The following CENPF variants were observed in gnomAD, a reference collection of about 807,000 sequenced individuals.
CENPF encodes the protein AH antigen.
A neutral mutation model predicts 307.3 loss-of-function variants in CENPF; 214 were observed. The observed-to-expected ratio is 0.70, with a 90% CI of 0.62 to 0.78. The LOEUF is 0.78. CENPF is among the 30% of genes least tolerant of loss of function. The pLI, the probability that CENPF is intolerant of heterozygous loss-of-function variation, is 0.00. For synonymous variants in CENPF, 1,259 were observed against 1,270.6 expected (o/e 0.99, Z 0.19); for missense variants, 3,401 against 3,483.9 (o/e 0.98, Z 0.60).
chr1:214,641,105 G>C lies in CENPF; in HGVS notation c.2767G>C (p.Glu923Gln), dbSNP rs1483081471. Residue 923 changes from glutamate to glutamine, a missense_variant, in exon 12 of 20, where the codon GAG becomes CAG. Physicochemically the swap from Glu to Gln is conservative, Grantham distance 29 (BLOSUM62 2). Coordinates refer to ENST00000366955, the MANE Select transcript of CENPF (RefSeq NM_016343.4). ...ACTTTTAAATGATAAGGTAGAAACTGAGCAGGCAGAGATTCAAGAATTAAA... is the reference window on the plus strand; with the variant it reads ...ACTTTTAAATGATAAGGTAGAAACTCAGCAGGCAGAGATTCAAGAATTAAA... ...LQLLNDKVETEQAEIQELKKS... is the reference protein window; with the variant it reads ...LQLLNDKVETQQAEIQELKKS... 6.3e-7 allele frequency: 1 copy of C among 1,578,498 alleles called. No homozygotes were observed. Among genetic ancestry groups the C allele is most frequent in the East Asian group, 2.2e-5 (1 of 44,768 alleles).
At position 214,646,762 on chromosome 1, in the gene CENPF, A is replaced by G. The variant is rs1242788150; in HGVS notation, c.7192A>G (p.Thr2398Ala). 6 of 1,613,466 alleles carry G rather than the reference A, an allele frequency of 3.7e-6. No homozygotes were observed. The South Asian group carries it at 6.6e-5, about 18-fold the overall frequency. ...VTIRSEKENLTNELQKEQERI... is the reference protein window; with the variant it reads ...VTIRSEKENLANELQKEQERI... ...TATAAGGTCAGAAAAAGAAAATCTG[A>G]CAAATGAATTACAAAAAGAGCAAGA... The change falls in exon 13 of 20, where the codon ACA (threonine) becomes GCA (alanine). Residue 2398 changes from threonine (T) to alanine (A), a missense_variant. Physicochemically the swap from Thr to Ala is moderately conservative, Grantham distance 58. Coordinates refer to ENST00000366955, the MANE Select transcript of CENPF (RefSeq NM_016343.4).
At position 214,632,709 on chromosome 1, in the gene CENPF, T is replaced by C. The variant is rs955348314; in HGVS notation, c.1446+107T>C. 7 of 1,299,336 alleles carry C rather than the reference T, an allele frequency of 5.4e-6. No homozygotes were observed. The Admixed American group carries it at 1.3e-4, about 25-fold the overall frequency. The allele number at this position is 1,299,336 out of a possible 1,614,324, so 80.5% of individuals were successfully genotyped here. ...CAGTTGCTTGTCATGACTGTGTGCC[T>C]TTTTCTTTTCTATTCACCAGAAGTA... is the stretch of plus-strand genomic sequence containing the variant. On this transcript the variant is annotated intron_variant, in intron 10 of 19. Coordinates refer to ENST00000366955, the MANE Select transcript of CENPF (RefSeq NM_016343.4).
chr1:214,608,648 G>T (rs1424307513), intron 1 of CENPF: 2 of 1,602,312 alleles, frequency 1.2e-6, no homozygotes, highest in Non-Finnish European at 1.7e-6. Flanking sequence ...AGCTTCCAGC[G>T]CCCGGGTGCG....
At chr1:214,608,373 C>G in intron 1 of CENPF, 7 of 1,612,898 alleles carry the variant, frequency 4.3e-6, no homozygotes, top group Non-Finnish European at 5.9e-6. Context: ...TCTCGGAAGG[C>G]CTACCCGAGC....
intron 17 of CENPF, 127 bp from the exon 18 acceptor site, chr1:214,656,806 T>C: frequency 1.6e-6 from 1 of 642,510 alleles, no homozygotes. Context: ...TATACAGATA[T>C]ATCTCCCCAA....
chr1:214,658,200 C>T (rs1402750966), intron 18 of CENPF, among the ~76,000 whole-genome samples: 1 of 152,056 alleles, frequency 6.6e-6, no homozygotes, highest in Non-Finnish European at 1.5e-5. Context: ...AAAACAAAAA[C>T]AAATGCTGCT....
intron 1 of CENPF, chr1:214,605,779 C>T (rs1657009108): frequency 3.1e-6 from 5 of 1,592,008 alleles, no homozygotes; most frequent in Middle Eastern, 4.5e-4. Context: ...CCACCCACAG[C>T]GGCTCCACCG....
At chr1:214,630,235 CT>C (rs1657768703) in intron 8 of CENPF, among the ~76,000 whole-genome samples, 1 of 152,164 alleles carries the variant, frequency 6.6e-6, no homozygotes, top group South Asian at 2.1e-4. Context: ...TCTCTTGCCC[CT>C]GATCCTTCAA....
At chr1:214,639,224 G>A (rs1196452748) in intron 11 of CENPF, among the ~76,000 whole-genome samples, 1 of 152,162 alleles carries the variant, frequency 6.6e-6, no homozygotes, top group Admixed American at 6.5e-5. Flanking sequence ...CCAACCAGGA[G>A]GGGCCAGTAT....
At chr1:214,663,505 T>C in intron 19 of CENPF, 86 bp from the exon 20 acceptor site, 1 of 1,327,024 alleles carries the variant, frequency 7.5e-7, no homozygotes. Context: ...GAACTTAATT[T>C]AAAACTTAGT....
Position 214,641,515 on chromosome 1 carries a change from A to G in CENPF, c.3177A>G (p.Glu1059=). ...CTAAATTAGAATGCTTGCTAAATGA[A>G]TGCACTAGTCTTTGTGAAAATAGGA... ...KNSKLECLLN[E]CTSLCENRKN... Residue 1059 remains glutamate (E), a synonymous_variant, in exon 12 of 20, where the codon GAA becomes GAG. Coordinates refer to ENST00000366955, the MANE Select transcript of CENPF (RefSeq NM_016343.4). 1 of 1,522,538 alleles carries G rather than the reference A, an allele frequency of 6.6e-7. No homozygotes were observed. Among genetic ancestry groups the G allele is most frequent in the African/African-American group, 1.4e-5 (1 of 71,670 alleles). 94.3% of individuals were successfully genotyped at this position (1,522,538 alleles called of 1,614,324 possible).
intron 2 of CENPF, 116 bp from the exon 3 acceptor site, chr1:214,614,716 C>A: frequency 1.6e-6 from 1 of 620,364 alleles, no homozygotes; most frequent in Non-Finnish European, 2.6e-6. Flanking sequence ...GTTCATATGG[C>A]TTATTGCAGC....
At chr1:214,626,337 A>T (rs1251740071) in intron 7 of CENPF, among the ~76,000 whole-genome samples, 2 of 151,996 alleles carry the variant, frequency 1.3e-5, no homozygotes, top group Non-Finnish European at 2.9e-5. Flanking sequence ...GTTTTACTAT[A>T]ATGTCCAGGG....
intron 5 of CENPF, 94 bp from the exon 6 acceptor site, chr1:214,620,561 T>C (rs1657475921): frequency 2.3e-6 from 3 of 1,332,840 alleles, no homozygotes; most frequent in South Asian, 1.4e-5. Context: ...AACTGTTAAC[T>C]TCTTGGGATT....
At chr1:214,605,437 CTTTG>C (rs1398027052) in intron 1 of CENPF, 7 of 506,740 alleles carry the variant, frequency 1.4e-5, no homozygotes, top group African/African-American at 9.7e-5. Flanking sequence ...GAAGAATCCG[CTTTG>C]TTTTTTTTTT....
intron 7 of CENPF, among the ~76,000 whole-genome samples, chr1:214,628,381 G>GTT (rs756310132): frequency 6.8e-6 from 1 of 146,150 alleles, no homozygotes; most frequent in Non-Finnish European, 1.5e-5. Context: ...GTGGTGCAAG[G>GTT]TTTTTTTTTT....
chr1:214,663,015 A>G (rs1037929893), intron 19 of CENPF, among the ~76,000 whole-genome samples: 1 of 152,196 alleles, frequency 6.6e-6, no homozygotes, highest in African/African-American at 2.4e-5. Flanking sequence ...ATTTTCTGAG[A>G]TATCTCTTTC....
intron 7 of CENPF, among the ~76,000 whole-genome samples, chr1:214,625,688 T>A (rs572540232): frequency 2.6e-5 from 4 of 152,292 alleles, no homozygotes; most frequent in African/African-American, 7.2e-5. Flanking sequence ...GAACATTTTT[T>A]AAAAATCCAT....
intron 1 of CENPF, chr1:214,608,429 G>C (rs1657100219): frequency 1.2e-6 from 2 of 1,613,440 alleles, no homozygotes; most frequent in Non-Finnish European, 1.7e-6. Flanking sequence ...TTGCAATGGA[G>C]GCGGGAGCCC....
Sources: gnomAD v4.1 joint callset for allele counts (sites outside exome capture counted in the v4.1 genomes callset) on GRCh38, gnomAD v4.1.1 for gene constraint, MANE v1.5 for transcripts, NCBI Gene and HGNC (gene_info 2026-07-23, HGNC 2026-07-21) for gene names.